Variants in ROBO2 observed in about 807,000 individuals in gnomAD.
ROBO2 encodes roundabout guidance receptor 2, also known as roundabout homolog 2.
ROBO2 carries 53 observed loss-of-function variants against 160.8 expected under a neutral mutation model. The ratio of observed to expected loss-of-function variants is 0.33; its 90% CI spans 0.26 to 0.41. ROBO2 has a LOEUF of 0.41. ROBO2 is among the 10% of genes least tolerant of loss of function. The pLI is 1.00. For synonymous variants in ROBO2, 664 were observed against 611.7 expected (o/e 1.09, Z -1.26); for missense variants, 1,577 against 1,722.4 (o/e 0.92, Z 1.49).
chr3:76,407,775 T>C (rs1032827846), intron 2 of ROBO2, among the ~76,000 whole-genome samples: 12 of 152,006 alleles, frequency 7.9e-5, no homozygotes, highest in Non-Finnish European at 1.2e-4. Context: ...AAGGGAAGCA[T>C]GTGTTATAAT....
intron 23 of ROBO2, among the ~76,000 whole-genome samples, chr3:77,624,664 T>C (rs1031705952): frequency 6.6e-6 from 1 of 152,186 alleles, no homozygotes; most frequent in African/African-American, 2.4e-5. Context: ...ACATGGTAAG[T>C]GCCCATACAG....
intron 1 of ROBO2, among the ~76,000 whole-genome samples, chr3:77,069,386 A>T (rs1377378087): frequency 6.6e-6 from 1 of 152,194 alleles, no homozygotes; most frequent in Non-Finnish European, 1.5e-5. Flanking sequence ...CTTCATAATC[A>T]TGTGGGAGAA....
At chr3:77,306,657 A>G (rs1398120064) in intron 2 of ROBO2, among the ~76,000 whole-genome samples, 3 of 152,184 alleles carry the variant, frequency 2.0e-5, no homozygotes, top group Non-Finnish European at 4.4e-5. Context: ...ATGGAGACAT[A>G]TACCACATAG....
At chr3:76,940,465 A>T (rs1559736798) in intron 2 of ROBO2, among the ~76,000 whole-genome samples, 1 of 152,188 alleles carries the variant, frequency 6.6e-6, no homozygotes, top group Admixed American at 6.6e-5. Context: ...ACAACAAAAA[A>T]TCCATTTATC....
chr3:77,291,319 T>A (rs1488929141), intron 2 of ROBO2, among the ~76,000 whole-genome samples: 2 of 151,862 alleles, frequency 1.3e-5, no homozygotes, highest in East Asian at 3.9e-4. Flanking sequence ...CCGGGAAGGC[T>A]GAGGCTAGAT....
chr3:77,123,914 T>C (rs189884935), intron 2 of ROBO2, among the ~76,000 whole-genome samples: 75 of 141,128 alleles, frequency 5.3e-4, no homozygotes, highest in African/African-American at 1.9e-3. Flanking sequence ...TAGATAGATA[T>C]ATAGATTATC....
In ROBO2 at chr3:76,860,776, T is replaced by A. The variant is rs143486834; in HGVS notation, c.110-237238T>A. Among the ~76,000 whole-genome samples the A allele has an allele frequency of 2.1e-3, 322 of 151,612 alleles. 1 individual carries two copies. The highest frequency in any genetic ancestry group is 7.3e-3 in the African/African-American group (301 of 41,338). On this transcript the variant is annotated intron_variant, in intron 2 of 26. Transcript: ENST00000487694. ...TAAGATTTAACAACAAACAAAAAAATCACTTGTCCCTAGATGCTTCTTGTA... is the reference window on the plus strand; with the variant it reads ...TAAGATTTAACAACAAACAAAAAAAACACTTGTCCCTAGATGCTTCTTGTA...
chr3:77,103,826 T>C (rs1262873381), intron 2 of ROBO2, among the ~76,000 whole-genome samples: 1 of 152,180 alleles, frequency 6.6e-6, no homozygotes, highest in Non-Finnish European at 1.5e-5. Context: ...GCTACAGAAG[T>C]AGACTGACTT....
intron 2 of ROBO2, among the ~76,000 whole-genome samples, chr3:76,794,758 C>T (rs1216006678): frequency 3.9e-5 from 6 of 152,044 alleles, no homozygotes; most frequent in African/African-American, 1.4e-4. Flanking sequence ...CTCATGCTAA[C>T]TTAGTAGACC....
intron 2 of ROBO2, among the ~76,000 whole-genome samples, chr3:76,369,923 A>G (rs13072306): frequency 6.6e-6 from 1 of 152,132 alleles, no homozygotes; most frequent in South Asian, 2.1e-4. Flanking sequence ...TGAACACGTG[A>G]CAGTAACACC....
intron 2 of ROBO2, among the ~76,000 whole-genome samples, chr3:76,088,816 G>C (rs1219943051): frequency 6.6e-6 from 1 of 151,744 alleles, no homozygotes; most frequent in Non-Finnish European, 1.5e-5. Context: ...TAGAAAAATA[G>C]AACAAATTAA....
intron 1 of ROBO2, among the ~76,000 whole-genome samples, chr3:75,917,411 A>G (rs1946857033): frequency 6.6e-6 from 1 of 152,228 alleles, no homozygotes; most frequent in Non-Finnish European, 1.5e-5. Flanking sequence ...TGAATATATG[A>G]CACATTTTCT....
chr3:76,908,366 C>T (rs1263433143), intron 2 of ROBO2, among the ~76,000 whole-genome samples: 2 of 152,030 alleles, frequency 1.3e-5, no homozygotes, highest in East Asian at 1.9e-4. Context: ...CTTTAATTCT[C>T]GACTAAAATA....
At chr3:77,055,067 T>G (rs866019341) in intron 1 of ROBO2, among the ~76,000 whole-genome samples, 2 of 150,880 alleles carry the variant, frequency 1.3e-5, no homozygotes, top group African/African-American at 2.5e-5. Flanking sequence ...AAACACTCAT[T>G]CTTTAAAAAA....
intron 2 of ROBO2, among the ~76,000 whole-genome samples, chr3:76,467,790 G>A (rs1255711368): frequency 1.3e-5 from 2 of 152,068 alleles, no homozygotes; most frequent in African/African-American, 4.8e-5. Context: ...TAGATAATTT[G>A]TGGTATAAAT....
chr3:77,214,943 A>C (rs1290120459), intron 2 of ROBO2, among the ~76,000 whole-genome samples: 1 of 151,306 alleles, frequency 6.6e-6, no homozygotes, highest in Non-Finnish European at 1.5e-5. Flanking sequence ...GTCTGCCGAG[A>C]GATCAGCTGT....
intron 2 of ROBO2, among the ~76,000 whole-genome samples, chr3:76,149,814 GCACACATCTGTCTAAAA>G (rs1296152418): frequency 7.2e-5 from 10 of 138,000 alleles, no homozygotes; most frequent in Non-Finnish European, 9.2e-5. Context: ...TCTGTCTAAA[GCACACATCTGTCTAAAA>G]CACACATCTG....
rs1415252877 is a variant in ROBO2, at chr3:77,477,402, A to G, written c.389-12A>G. 1.2e-6 allele frequency: 2 copies of G among 1,612,872 alleles called. No individual in the cohort carries two copies. Among genetic ancestry groups the G allele is most frequent in the South Asian group, 1.1e-5 (1 of 91,042 alleles). On this transcript the variant is annotated splice_polypyrimidine_tract_variant and intron_variant, in intron 2 of 25. Coordinates refer to ENST00000461745, the Ensembl canonical transcript of ROBO2. ...CGTTGAGTTTTCTTTTCCTGTAATT[A>G]TTTTTCCTCAGTGTTACGAGATGAC... is the stretch of plus-strand genomic sequence containing the variant.
intron 2 of ROBO2, among the ~76,000 whole-genome samples, chr3:76,595,620 G>A (rs1441921744): frequency 1.3e-5 from 2 of 152,066 alleles, no homozygotes; most frequent in Non-Finnish European, 2.9e-5. Flanking sequence ...TTATATATGA[G>A]TGATATGCAT....
Sources: gnomAD v4.1 joint callset for allele counts (sites outside exome capture counted in the v4.1 genomes callset) on GRCh38, gnomAD v4.1.1 for gene constraint, MANE v1.5 for transcripts, NCBI Gene and HGNC (gene_info 2026-07-23, HGNC 2026-07-21) for gene names.